Variants in ECI2 observed in about 807,000 individuals in gnomAD.
The protein encoded by ECI2 is enoyl-CoA delta isomerase 2.
In ECI2, 27 loss-of-function variants were observed where a neutral mutation model predicts 38.4. The observed-to-expected ratio is 0.70, with a 90% CI of 0.52 to 0.97. The LOEUF (loss-of-function observed/expected upper bound fraction) is 0.97. Among genes scored for constraint, ECI2 ranks in the 50% least tolerant of loss-of-function variants. The pLI is 0.00. For missense variants in ECI2, 470 were observed against 474.4 expected, an observed-to-expected ratio of 0.99 and a Z score of 0.09; for synonymous variants, 168 against 172.0, an observed-to-expected ratio of 0.98 and a Z score of 0.18.
chr6:4,121,077 T>G (rs990751466), intron 7 of ECI2, among the ~76,000 whole-genome samples: 1 of 152,224 alleles, frequency 6.6e-6, no homozygotes. Context: ...ACCAGCAATG[T>G]ATGAAAGTTC....
intron 4 of ECI2, among the ~76,000 whole-genome samples, chr6:4,129,599 T>C (rs1773397512): frequency 6.6e-6 from 1 of 152,202 alleles, no homozygotes; most frequent in Non-Finnish European, 1.5e-5. Flanking sequence ...ATTATTATTA[T>C]AGTTGTAGAG....
intron 1 of ECI2, chr6:4,135,169 C>T (rs1773667850): frequency 3.4e-6 from 2 of 594,922 alleles, no homozygotes; most frequent in East Asian, 3.9e-5. Context: ...CTGGGAAGTG[C>T]AGGCCCGGGT....
At chr6:4,133,095 A>T (rs1490406511) in intron 2 of ECI2, among the ~76,000 whole-genome samples, 1 of 152,002 alleles carries the variant, frequency 6.6e-6, no homozygotes, top group Non-Finnish European at 1.5e-5. Context: ...TGCTTAGAGA[A>T]CTTCAACTAT....
chr6:4,125,567 G>A, intron 6 of ECI2, 197 bp from the exon 7 acceptor site: 1 of 725,262 alleles, frequency 1.4e-6, no homozygotes, highest in Non-Finnish European at 2.2e-6. Flanking sequence ...CTGAATGGCA[G>A]TGGATGGAAG....
intron 7 of ECI2, among the ~76,000 whole-genome samples, chr6:4,119,712 C>T (rs564802997): frequency 6.6e-6 from 1 of 152,256 alleles, no homozygotes; most frequent in East Asian, 1.9e-4. Context: ...GGTTAATATG[C>T]ACACACAATT....
Position 4,127,790 on chromosome 6 carries a change from C to G in ECI2, c.543G>C (p.Lys181Asn), listed in dbSNP as rs1277524315. ...EIMRALKAAS[K>N]DDSIITVLTG... ...TTAAAACAGTGATGATTGAGTCATC[C>G]TTGCTGGCAGCTTTAAGTGCACGCA... Residue 181 changes from lysine to asparagine, a missense_variant, in exon 5 of 10, where the codon AAG (lysine) becomes AAC (asparagine). Transcript: ENST00000380118. The G allele has an allele frequency of 2.5e-6, 4 of 1,612,986 alleles. No homozygotes were observed. The African/African-American group carries it at 5.3e-5, about 22-fold the overall frequency.
intron 8 of ECI2, 40 bp downstream of exon 8, chr6:4,119,146 T>C (rs758216732): frequency 6.6e-7 from 1 of 1,507,554 alleles, no homozygotes; most frequent in Non-Finnish European, 9.1e-7. Flanking sequence ...TTTCTTGAGA[T>C]GACTCATAAA....
intron 6 of ECI2, chr6:4,125,665 A>C: frequency 2.2e-6 from 1 of 459,872 alleles, no homozygotes; most frequent in Non-Finnish European, 4.0e-6. Flanking sequence ...CCGCAGTCTT[A>C]GAGATTAGGT....
chr6:4,133,749 C>A (rs1304698212), intron 1 of ECI2, 38 bp from the exon 2 acceptor site: 1 of 1,554,296 alleles, frequency 6.4e-7, no homozygotes, highest in Admixed American at 2.0e-5. Flanking sequence ...TGTTCCCAAC[C>A]CTCACATTTC....
chr6:4,121,366 C>T (rs759151961), intron 7 of ECI2, among the ~76,000 whole-genome samples: 1 of 152,016 alleles, frequency 6.6e-6, no homozygotes, highest in Non-Finnish European at 1.5e-5. Flanking sequence ...TTTATTAGAG[C>T]GTCAGGCAAA....
rs770734736 is a variant in ECI2 at position 4,133,684 on chromosome 6, T to G, written c.78A>C (p.Val26=). The change falls in exon 2 of 10, where the codon GTA becomes GTC. Residue 26 remains valine, a synonymous_variant. Coordinates refer to ENST00000380118, the MANE Select transcript of ECI2 (RefSeq NM_206836.3). ...CTGTTCTATTCATGTGCAGCTGAAC[T>G]ACCGGGAAACTAGTGACCTGCAGAG... ...PSSLQVTSFP[V]VQLHMNRTAM... is the part of the protein sequence containing the mutation. The G allele has an allele frequency of 3.1e-6, 5 of 1,612,158 alleles. No individual in the cohort carries two copies. The highest frequency in any genetic ancestry group is 4.2e-6 in the Non-Finnish European group (5 of 1,179,434).
At chr6:4,135,319 G>A (rs377026780) in intron 1 of ECI2, 192 bp downstream of exon 1, 6 of 1,448,934 alleles carry the variant, frequency 4.1e-6, no homozygotes, top group South Asian at 1.3e-5. Flanking sequence ...GACCACTCCG[G>A]GCCCAGCGGT....
At chr6:4,122,058 G>A in intron 7 of ECI2, 1 of 1,529,096 alleles carries the variant, frequency 6.5e-7, no homozygotes, top group Non-Finnish European at 9.0e-7. Context: ...TACATGCAAA[G>A]TTGCCAGTAA....
At chr6:4,120,654 G>C (rs575027647) in intron 7 of ECI2, among the ~76,000 whole-genome samples, 1 of 151,954 alleles carries the variant, frequency 6.6e-6, no homozygotes, top group African/African-American at 2.4e-5. Flanking sequence ...TTGAACCCGG[G>C]AGGAGGAGGC....
chr6:4,125,796 C>T (rs1315219016), intron 6 of ECI2: 2 of 438,276 alleles, frequency 4.6e-6, no homozygotes, highest in East Asian at 1.1e-4. Flanking sequence ...AGTCTCCTAC[C>T]TTCAGCGTTC....
intron 9 of ECI2, 121 bp downstream of exon 9, chr6:4,117,187 G>A (rs1772337551): frequency 8.3e-7 from 1 of 1,203,252 alleles, no homozygotes; most frequent in Admixed American, 2.8e-5. Flanking sequence ...AAATTTAGAT[G>A]TGCTTAGAGG....
chr6:4,128,756 C>A, intron 4 of ECI2, among the ~76,000 whole-genome samples: 1 of 152,100 alleles, frequency 6.6e-6, no homozygotes, highest in African/African-American at 2.4e-5. Flanking sequence ...ATTATAATAA[C>A]TCTAGAGATG....
intron 9 of ECI2, among the ~76,000 whole-genome samples, chr6:4,116,944 A>G (rs1313284884): frequency 1.3e-5 from 2 of 152,218 alleles, no homozygotes; most frequent in Non-Finnish European, 1.5e-5. Flanking sequence ...GTCACTCACT[A>G]CCACATACAA....
intron 9 of ECI2, among the ~76,000 whole-genome samples, chr6:4,117,045 C>G (rs1772324797): frequency 6.6e-6 from 1 of 151,988 alleles, no homozygotes; most frequent in African/African-American, 2.4e-5. Flanking sequence ...CAAATACTGC[C>G]TAGCATCCTG....
Sources: allele counts gnomAD v4.1 joint callset (sites outside exome capture counted in the v4.1 genomes callset), GRCh38; gene constraint gnomAD v4.1.1; transcripts MANE v1.5; gene names NCBI Gene and HGNC (gene_info 2026-07-23, HGNC 2026-07-21).